FAM114A1: variants seen among roughly 807,000 people sequenced by gnomAD.
The protein encoded by FAM114A1 is protein NOXP20.
FAM114A1 carries 62 observed loss-of-function variants against 64.3 expected under a neutral mutation model. That is an observed-to-expected ratio of 0.96 (90% CI 0.79 to 1.19). The LOEUF (loss-of-function observed/expected upper bound fraction) is 1.19, where lower values mean the gene tolerates loss of function less well. FAM114A1 is among the 50% of genes most tolerant of loss of function. The pLI is 0.00. For missense variants in FAM114A1, 645 were observed against 676.3 expected, an observed-to-expected ratio of 0.95 and a Z score of 0.51; for synonymous variants, 254 against 251.1, an observed-to-expected ratio of 1.01 and a Z score of -0.11.
rs145355739 is a variant in FAM114A1 at position 38,878,396 on chromosome 4, C to T, written c.318C>T (p.Ser106=). 1.7e-4 allele frequency: 265 copies of T among 1,602,764 alleles called. No individual in the cohort carries two copies. The highest frequency in any genetic ancestry group is 6.7e-5 in the Non-Finnish European group (79 of 1,173,920). Residue 106 remains serine, a synonymous_variant, in exon 3 of 15, where the codon TCC becomes TCT. Transcript: ENST00000358869. ...DSVSLEAEPR[S]EIPLQEQNYL... is the part of the protein sequence containing the mutation. The stretch of plus-strand genomic sequence containing the variant: ...TCAGCCTTGAGGCAGAACCCAGATC[C>T]GAAATACCCCTGCAAGAACAGAATT...
intron 13 of FAM114A1, among the ~76,000 whole-genome samples, chr4:38,940,038 A>G (rs951520082): frequency 6.6e-6 from 1 of 151,900 alleles, no homozygotes; most frequent in African/African-American, 2.4e-5. Context: ...ACAGGCACCT[A>G]CCACCATGCC....
chr4:38,868,580 T>G (rs576198120), intron 2 of FAM114A1, 34 bp downstream of exon 2: 9 of 152,604 alleles, frequency 5.9e-5, no homozygotes, highest in African/African-American at 1.9e-4. Context: ...ACCAGGCGCC[T>G]GAACGTCACT....
chr4:38,931,439 G>A lies in FAM114A1; in HGVS notation c.1162-12G>A. On this transcript the variant is annotated splice_polypyrimidine_tract_variant and intron_variant, in intron 10 of 14. Coordinates refer to ENST00000358869, the MANE Select transcript of FAM114A1 (RefSeq NM_138389.4). ...CGCCATAAAAGGATTGTTTGGTTGG[G>A]GACCTCTGCAGGCCATGAAGAGGGC... is the stretch of plus-strand genomic sequence containing the variant. 1.3e-6 allele frequency: 2 copies of A among 1,590,028 alleles called. No homozygotes were observed. Among genetic ancestry groups the A allele is most frequent in the Non-Finnish European group, 1.7e-6 (2 of 1,172,540 alleles).
intron 10 of FAM114A1, among the ~76,000 whole-genome samples, chr4:38,929,788 A>G (rs553558057): frequency 6.6e-6 from 1 of 152,334 alleles, no homozygotes; most frequent in African/African-American, 2.4e-5. Context: ...AATTTTAAAA[A>G]AAGGAAAAAA....
intron 9 of FAM114A1, among the ~76,000 whole-genome samples, chr4:38,928,833 A>G (rs1271305365): frequency 6.6e-6 from 1 of 152,224 alleles, no homozygotes; most frequent in Non-Finnish European, 1.5e-5. Context: ...AAGCATAACA[A>G]TATCGAAGTC....
intron 12 of FAM114A1, among the ~76,000 whole-genome samples, chr4:38,933,434 A>G (rs1429837533): frequency 6.6e-6 from 1 of 152,222 alleles, no homozygotes; most frequent in Non-Finnish European, 1.5e-5. Context: ...GACTTATACC[A>G]GGTCTCCACG....
chr4:38,923,765 T>G (rs1244654475), intron 9 of FAM114A1, among the ~76,000 whole-genome samples: 13 of 152,204 alleles, frequency 8.5e-5, no homozygotes, highest in Admixed American at 8.5e-4. Context: ...GCAACCACAC[T>G]TCCCAATAAT....
intron 2 of FAM114A1, among the ~76,000 whole-genome samples, chr4:38,869,142 A>G (rs1302869717): frequency 6.6e-6 from 1 of 152,250 alleles, no homozygotes; most frequent in Non-Finnish European, 1.5e-5. Context: ...ACAGAAACCA[A>G]CCTAGGTGCT....
intron 4 of FAM114A1, among the ~76,000 whole-genome samples, chr4:38,897,945 C>CA (rs753488843): frequency 0.026 from 3,127 of 120,228 alleles, 109 homozygotes; most frequent in East Asian, 0.12. Context: ...GACTCTGTTT[C>CA]AAAAAAAAAA....
rs1452428167 is a variant in FAM114A1, at chr4:38,878,102, C to T, written c.24C>T (p.Thr8=). 3 of 1,611,580 alleles carry T rather than the reference C, an allele frequency of 1.9e-6. No individual in the cohort carries two copies. In the African/African-American group the frequency reaches 4.0e-5, roughly 21 times the overall value. The change falls in exon 3 of 15, where the codon ACC becomes ACT. Residue 8 remains threonine (T), a synonymous_variant. Transcript: ENST00000358869. The part of the protein sequence containing the change: MSDDAGD[T]LATGDKAEVT... ...AAATGTCTGATGATGCTGGTGACAC[C>T]TTAGCCACTGGAGACAAAGCAGAAG...
chr4:38,923,512 T>A (rs1473609736), intron 9 of FAM114A1, among the ~76,000 whole-genome samples: 1 of 152,138 alleles, frequency 6.6e-6, no homozygotes, highest in African/African-American at 2.4e-5. Flanking sequence ...TGAGCCGCCT[T>A]GCCTGGCCTA....
intron 14 of FAM114A1, 99 bp from the exon 15 acceptor site, chr4:38,943,357 G>C: frequency 2.5e-6 from 2 of 812,438 alleles, no homozygotes; most frequent in Non-Finnish European, 3.9e-6. Context: ...AATCCAATAT[G>C]GGGGGTGGGT....
At chr4:38,906,863 A>T (rs1017145136) in intron 6 of FAM114A1, among the ~76,000 whole-genome samples, 1 of 152,230 alleles carries the variant, frequency 6.6e-6, no homozygotes, top group African/African-American at 2.4e-5. Flanking sequence ...TTCTAAAAAT[A>T]TGGCTCGTGT....
At chr4:38,927,247 A>C (rs1327646205) in intron 9 of FAM114A1, among the ~76,000 whole-genome samples, 1 of 152,188 alleles carries the variant, frequency 6.6e-6, no homozygotes, top group African/African-American at 2.4e-5. Flanking sequence ...GCTATATCAA[A>C]ATACCATAGA....
chr4:38,878,324 C>T lies in FAM114A1; in HGVS notation c.246C>T (p.Leu82=), dbSNP rs191987732. Residue 82 remains leucine, a synonymous_variant, in exon 3 of 15, where the codon CTC becomes CTT. Transcript: ENST00000358869. ...ATGCCAACGCCCTGGAGCCCCCTCTCAATGGAGACGTGACTGAGGATACAC... is the reference window on the plus strand; with the variant it reads ...ATGCCAACGCCCTGGAGCCCCCTCTTAATGGAGACGTGACTGAGGATACAC... ...PQDANALEPP[L]NGDVTEDTLA... 2.7e-4 allele frequency: 428 copies of T among 1,614,132 alleles called. 1 individual carries two copies. Among genetic ancestry groups the T allele is most frequent in the Non-Finnish European group, 3.5e-4 (412 of 1,180,050 alleles).
At chr4:38,929,114 G>A (rs549920405) in intron 9 of FAM114A1, 128 bp from the exon 10 acceptor site, 68 of 700,950 alleles carry the variant, frequency 9.7e-5, no homozygotes, top group Admixed American at 5.0e-4. Flanking sequence ...TTTGCCCAGC[G>A]GCTGGCGGGC....
rs1719726568 is a variant in FAM114A1, at chr4:38,922,766, T to C, written c.946-4T>C. The C allele has an allele frequency of 6.2e-7, 1 of 1,607,280 alleles. No individual in the cohort carries two copies. The highest frequency in any genetic ancestry group is 1.3e-5 in the African/African-American group (1 of 74,394). ...CAGTCGTGCTGACCTATTTCTTTTT[T>C]CAGGTTCAGTCATTTTTAGCATCAC... is the stretch of plus-strand genomic sequence containing the variant. On this transcript the variant is annotated splice_region_variant and splice_polypyrimidine_tract_variant and intron_variant, in intron 8 of 14. Transcript: ENST00000358869.
At chr4:38,915,189 T>C (rs1305390589) in intron 8 of FAM114A1, 116 bp downstream of exon 8, 6 of 1,310,038 alleles carry the variant, frequency 4.6e-6, no homozygotes, top group Non-Finnish European at 5.3e-6. Context: ...ATTATTATTG[T>C]GCTGAGGTCA....
At chr4:38,915,907 T>C (rs1206310618) in intron 8 of FAM114A1, among the ~76,000 whole-genome samples, 1 of 152,166 alleles carries the variant, frequency 6.6e-6, no homozygotes, top group Non-Finnish European at 1.5e-5. Flanking sequence ...AGGCTGACTG[T>C]GCTCCGGAGT....
Sources: allele counts gnomAD v4.1 joint callset (sites outside exome capture counted in the v4.1 genomes callset), GRCh38; gene constraint gnomAD v4.1.1; transcripts MANE v1.5; gene names NCBI Gene and HGNC (gene_info 2026-07-23, HGNC 2026-07-21).